The following ATRNL1 variants were observed in gnomAD, a reference collection of about 807,000 sequenced individuals.
ATRNL1 encodes attractin like 1.
ATRNL1 carries 95 observed loss-of-function variants against 182.7 expected under a neutral mutation model. That is an observed-to-expected ratio of 0.52 (90% confidence interval 0.44 to 0.62). ATRNL1 has a LOEUF of 0.62. Ranked by LOEUF, ATRNL1 falls within the 20% of genes least tolerant of loss-of-function variation. ATRNL1 has a pLI of 0.00. For missense variants in ATRNL1, 1,471 were observed against 1,679.5 expected (o/e 0.88, Z 2.17); for synonymous variants, 576 against 568.3 (o/e 1.01, Z -0.19).
At chr10:115,243,831 A>T (rs996090371) in intron 10 of ATRNL1, among the ~76,000 whole-genome samples, 2 of 152,134 alleles carry the variant, frequency 1.3e-5, no homozygotes, top group Non-Finnish European at 2.9e-5. Flanking sequence ...CAACAAAAAC[A>T]TAAAGACAGT....
chr10:115,472,442 C>T (rs1282741877), intron 24 of ATRNL1, among the ~76,000 whole-genome samples: 3 of 150,778 alleles, frequency 2.0e-5, no homozygotes, highest in Non-Finnish European at 4.5e-5. Flanking sequence ...GGTAGTGTGG[C>T]CATTTAAACA....
At chr10:115,327,724 G>A (rs1259451361) in intron 18 of ATRNL1, among the ~76,000 whole-genome samples, 33 of 151,756 alleles carry the variant, frequency 2.2e-4, no homozygotes, top group African/African-American at 6.8e-4. Flanking sequence ...AAGAAATGTG[G>A]CACATATACA....
At chr10:115,671,615 G>A (rs1945699287) in intron 26 of ATRNL1, among the ~76,000 whole-genome samples, 1 of 152,102 alleles carries the variant, frequency 6.6e-6, no homozygotes, top group Admixed American at 6.6e-5. Flanking sequence ...TAATCAGGTT[G>A]TTAGGTAAGG....
At chr10:115,369,623 A>G (rs964079565) in intron 19 of ATRNL1, among the ~76,000 whole-genome samples, 7 of 152,086 alleles carry the variant, frequency 4.6e-5, no homozygotes, top group African/African-American at 1.7e-4. Flanking sequence ...TGAAAGGTCC[A>G]TTTTCAGTTT....
chr10:115,836,403 T>C lies in ATRNL1; in HGVS notation c.3904-11474T>C, dbSNP rs188128844. ...TGACTAGGGAGACTGTATTAGCTCC[T>C]GAGGGCTAAATTACCACAAACTTGG... On this transcript the variant is annotated intron_variant, in intron 27 of 28. Coordinates refer to ENST00000355044, the MANE Select transcript of ATRNL1 (RefSeq NM_207303.4). Among the ~76,000 whole-genome samples, 369 of 152,338 alleles carry C rather than the reference T, an allele frequency of 2.4e-3. 1 individual carries two copies. The highest frequency in any genetic ancestry group is 4.5e-3 in the Non-Finnish European group (306 of 68,030).
At chr10:115,329,780 G>A (rs889796906) in intron 18 of ATRNL1, among the ~76,000 whole-genome samples, 1 of 152,076 alleles carries the variant, frequency 6.6e-6, no homozygotes, top group African/African-American at 2.4e-5. Context: ...AAGGTGAATT[G>A]AATCTTTTGT....
chr10:115,622,789 A>T (rs1292053612), intron 26 of ATRNL1, among the ~76,000 whole-genome samples: 4 of 152,096 alleles, frequency 2.6e-5, no homozygotes, highest in Middle Eastern at 3.4e-3. Flanking sequence ...TAGCCAGGCA[A>T]GGTGGCGGGC....
intron 27 of ATRNL1, among the ~76,000 whole-genome samples, chr10:115,804,523 A>T (rs533193277): frequency 6.6e-6 from 1 of 152,262 alleles, no homozygotes; most frequent in South Asian, 2.1e-4. Flanking sequence ...GCAAAGTAGG[A>T]TGAGTGCCCT....
intron 27 of ATRNL1, among the ~76,000 whole-genome samples, chr10:115,746,381 T>C (rs1226067551): frequency 6.6e-6 from 1 of 152,094 alleles, no homozygotes; most frequent in Non-Finnish European, 1.5e-5. Context: ...TTACTAGGTA[T>C]GATATTCCAG....
At chr10:115,464,040 A>G (rs548556919) in intron 22 of ATRNL1, among the ~76,000 whole-genome samples, 1 of 151,894 alleles carries the variant, frequency 6.6e-6, no homozygotes, top group Admixed American at 6.6e-5. Flanking sequence ...TTCTCCTTCA[A>G]TTTCCAGCAA....
chr10:115,108,006 T>G (rs1361768515), intron 1 of ATRNL1, among the ~76,000 whole-genome samples: 2 of 152,182 alleles, frequency 1.3e-5, no homozygotes, highest in Non-Finnish European at 2.9e-5. Flanking sequence ...TCTCTTTCTA[T>G]CTTGATGAAT....
chr10:115,504,525 C>T (rs2133646297), intron 24 of ATRNL1, among the ~76,000 whole-genome samples: 1 of 152,104 alleles, frequency 6.6e-6, no homozygotes, highest in African/African-American at 2.4e-5. Context: ...ATTATGGAAG[C>T]AAAGATTATT....
intron 15 of ATRNL1, among the ~76,000 whole-genome samples, chr10:115,296,269 A>G (rs1554922553): frequency 6.6e-6 from 1 of 152,130 alleles, no homozygotes; most frequent in African/African-American, 2.4e-5. Context: ...CTGGACTTCC[A>G]TTCACCACAG....
intron 26 of ATRNL1, among the ~76,000 whole-genome samples, chr10:115,708,012 A>G (rs1330657915): frequency 6.6e-6 from 1 of 151,668 alleles, no homozygotes; most frequent in Non-Finnish European, 1.5e-5. Context: ...ATATTCCTTG[A>G]TGTGCTCCTG....
intron 25 of ATRNL1, among the ~76,000 whole-genome samples, chr10:115,533,566 T>C (rs1459037155): frequency 1.3e-5 from 2 of 152,212 alleles, no homozygotes; most frequent in African/African-American, 4.8e-5. Flanking sequence ...CCTGGATTCA[T>C]TAATTTTTTG....
intron 8 of ATRNL1, among the ~76,000 whole-genome samples, chr10:115,201,113 G>A (rs1261255550): frequency 7.5e-6 from 1 of 133,188 alleles, no homozygotes; most frequent in African/African-American, 2.8e-5. Context: ...TGAGTTCATT[G>A]TAGATTCTGG....
intron 27 of ATRNL1, among the ~76,000 whole-genome samples, chr10:115,732,932 A>G (rs1374599772): frequency 6.6e-6 from 1 of 152,174 alleles, no homozygotes; most frequent in Non-Finnish European, 1.5e-5. Context: ...AGGCTGTCTT[A>G]GTATATCAGA....
intron 5 of ATRNL1, among the ~76,000 whole-genome samples, chr10:115,153,198 C>A (rs1445243352): frequency 1.3e-5 from 2 of 152,042 alleles, no homozygotes; most frequent in Non-Finnish European, 2.9e-5. Flanking sequence ...TGTGTCTCTG[C>A]CAGGCTTTGG....
intron 6 of ATRNL1, among the ~76,000 whole-genome samples, chr10:115,162,091 T>C (rs1464844050): frequency 2.0e-5 from 3 of 151,930 alleles, no homozygotes; most frequent in Non-Finnish European, 4.4e-5. Flanking sequence ...GGATATATCA[T>C]TGGATATAAC....
Sources: allele counts gnomAD v4.1 joint callset (sites outside exome capture counted in the v4.1 genomes callset), GRCh38; gene constraint gnomAD v4.1.1; transcripts MANE v1.5; gene names NCBI Gene and HGNC (gene_info 2026-07-23, HGNC 2026-07-21).